OR52N4: variants seen among roughly 807,000 people sequenced by gnomAD.
OR52N4 encodes the protein olfactory receptor 52N4.
OR52N4 carries 15 observed loss-of-function variants against 15.0 expected under a neutral mutation model. The ratio of observed to expected loss-of-function variants is 1.00; its 90% confidence interval spans 0.67 to 1.54. The LOEUF is 1.54. Among genes scored for constraint, OR52N4 ranks in the 40% most tolerant of loss-of-function variants. The probability of loss-of-function intolerance (pLI) is 0.00; values close to 1 mark genes in which losing one functional copy is unlikely to be tolerated. For synonymous variants in OR52N4, 143 were observed against 143.7 expected (o/e 1.00, Z 0.03); for missense variants, 421 against 394.0 (o/e 1.07, Z -0.58).
the OR52N4 span, among the ~76,000 whole-genome samples, chr11:5,730,096 C>G: frequency 1.3e-5 from 2 of 151,654 alleles, no homozygotes; most frequent in Non-Finnish European, 2.9e-5. Flanking sequence ...TTGCTGCATT[C>G]TTATGTCCTA....
In OR52N4 at chr11:5,754,673, G is replaced by GTTTTTTT; in HGVS notation, c.-48-15_-48-9dup. 2 of 1,205,010 alleles carry GTTTTTTT rather than the reference G, an allele frequency of 1.7e-6. No individual in the cohort carries two copies. Among genetic ancestry groups the GTTTTTTT allele is most frequent in the Admixed American group, 2.7e-5 (1 of 37,642 alleles). 74.6% of individuals were successfully genotyped at this position (1,205,010 alleles called of 1,614,324 possible). On this transcript the variant is annotated intron_variant, in intron 1 of 1. Coordinates refer to ENST00000641350, the MANE Select transcript of OR52N4 (RefSeq NM_001005175.5). ...GTAAAAATAACCTATATTTTCTCTT[G>GTTTTTTT]TTTTTTTTTTTAACTCTAGGAAAGC...
At chr11:5,736,596 C>G in the OR52N4 span, 1 of 1,613,968 alleles carries the variant, frequency 6.2e-7, no homozygotes, top group Non-Finnish European at 8.5e-7. Context: ...CTGGGATTCC[C>G]GGGCATTCAC....
chr11:5,755,623 T>C lies in OR52N4; in HGVS notation c.883T>C (p.Tyr295His), dbSNP rs752105367. 27 of 1,613,740 alleles carry C rather than the reference T, an allele frequency of 1.7e-5. No homozygotes were observed. Among genetic ancestry groups the C allele is most frequent in the Non-Finnish European group, 2.1e-5 (25 of 1,179,718 alleles). The part of the protein sequence containing the change: ...LLPPTMNPIV[Y>H]GVKTKQIRDC... ...ACCACCCACTATGAACCCTATTGTC[T>C]ATGGGGTGAAAACCAAACAGATACG... Residue 295 changes from tyrosine to histidine, a missense_variant, in exon 2 of 2, where the codon TAT becomes CAT. Transcript: ENST00000641350.
At chr11:5,737,299 C>T in the OR52N4 span, 3 of 1,614,102 alleles carry the variant, frequency 1.9e-6, no homozygotes, top group South Asian at 3.3e-5. Context: ...TTTTCTTTTA[C>T]ACTATTGTTG....
chr11:5,734,234 A>G, the OR52N4 span: 5 of 455,688 alleles, frequency 1.1e-5, no homozygotes, highest in South Asian at 7.8e-5. Flanking sequence ...TTCATAAGCA[A>G]GGTAAGTGAT....
At chr11:5,751,450 CT>C (rs1258885057), upstream of OR52N4, among the ~76,000 whole-genome samples, 3 of 151,662 alleles carry the variant, frequency 2.0e-5, no homozygotes, top group East Asian at 5.8e-4. Context: ...GTAAAACTTT[CT>C]CTTTTTTTTC....
chr11:5,748,551 C>T, the OR52N4 span, among the ~76,000 whole-genome samples: 1 of 151,616 alleles, frequency 6.6e-6, no homozygotes, highest in South Asian at 2.1e-4. Flanking sequence ...ATTTCTCTCA[C>T]TTGAAAAAGT....
the OR52N4 span, among the ~76,000 whole-genome samples, chr11:5,730,878 A>G: frequency 6.6e-6 from 1 of 151,290 alleles, no homozygotes; most frequent in South Asian, 2.1e-4. Flanking sequence ...TGTTTCTTTC[A>G]ATTATGACCG....
At chr11:5,753,261 C>T (rs1459587990), upstream of OR52N4, among the ~76,000 whole-genome samples, 1 of 152,060 alleles carries the variant, frequency 6.6e-6, no homozygotes, top group African/African-American at 2.4e-5. Flanking sequence ...AGTTGTTCTA[C>T]ATCTTTGCCA....
At chr11:5,750,542 TA>T (rs1854169098), upstream of OR52N4, among the ~76,000 whole-genome samples, 1 of 151,990 alleles carries the variant, frequency 6.6e-6, no homozygotes, top group Non-Finnish European at 1.5e-5. Context: ...CACTATTGAA[TA>T]GTTTATACTA....
In OR52N4 at chr11:5,754,819, C is replaced by T. The variant is rs779141741; in HGVS notation, c.79C>T (p.Leu27Phe). 2 of 1,613,726 alleles carry T rather than the reference C, an allele frequency of 1.2e-6. No individual in the cohort carries two copies. Among genetic ancestry groups the T allele is most frequent in the South Asian group, 2.2e-5 (2 of 91,068 alleles). ...AGTCCCAGGACTGGAAGACACACAA[C>T]TCTGGATTTCCTTCCCATTCTGCTC... The part of the protein sequence containing the change: ...NGVPGLEDTQ[L>F]WISFPFCSMY... Residue 27 changes from leucine (L) to phenylalanine (F), a missense_variant, in exon 2 of 2, where the codon CTC becomes TTC. Transcript: ENST00000641350.
chr11:5,744,837 C>G, the OR52N4 span, among the ~76,000 whole-genome samples: 15 of 152,200 alleles, frequency 9.9e-5, no homozygotes, highest in African/African-American at 3.6e-4. Flanking sequence ...TGGAGGATCT[C>G]TTGAACCTGG....
chr11:5,726,524 A>T, the OR52N4 span: 1 of 97,634 alleles, frequency 1.0e-5, no homozygotes, highest in Non-Finnish European at 2.2e-5. Context: ...CATCACACTG[A>T]TGTTGACCCT....
chr11:5,753,906 T>C (rs1457368223), upstream of OR52N4, among the ~76,000 whole-genome samples: 12 of 147,366 alleles, frequency 8.1e-5, no homozygotes, highest in East Asian at 2.4e-3. Flanking sequence ...GACAGGAGAA[T>C]TGCTTGAATC....
At chr11:5,734,648 A>C in the OR52N4 span, among the ~76,000 whole-genome samples, 1 of 152,164 alleles carries the variant, frequency 6.6e-6, no homozygotes, top group Non-Finnish European at 1.5e-5. Context: ...AAATTTTAAT[A>C]GAGAAAACAT....
At chr11:5,733,778 TTAAA>T in the OR52N4 span, among the ~76,000 whole-genome samples, 4 of 152,158 alleles carry the variant, frequency 2.6e-5, no homozygotes, top group African/African-American at 9.7e-5. Flanking sequence ...TTAAAAATGT[TTAAA>T]TAAATCTCCT....
chr11:5,737,875 T>TAGCTGTAACTTGGG, the OR52N4 span: 1 of 165,540 alleles, frequency 6.0e-6, no homozygotes, highest in African/African-American at 2.4e-5. Context: ...TGCGCATTGT[T>TAGCTGTAACTTGGG]AGCTGTAACT....
upstream of OR52N4, among the ~76,000 whole-genome samples, chr11:5,751,005 C>T (rs775891922): frequency 4.5e-4 from 69 of 151,808 alleles, no homozygotes; most frequent in East Asian, 1.4e-3. Context: ...AAGTGCTTTT[C>T]GTTATTTGTG....
At chr11:5,744,674 A>C in the OR52N4 span, among the ~76,000 whole-genome samples, 1 of 145,092 alleles carries the variant, frequency 6.9e-6, no homozygotes, top group African/African-American at 2.5e-5. Context: ...GCACTCTGGG[A>C]GGCTGAGGCG....
Sources: gnomAD v4.1 joint callset for allele counts (sites outside exome capture counted in the v4.1 genomes callset) on GRCh38, gnomAD v4.1.1 for gene constraint, MANE v1.5 for transcripts, NCBI Gene and HGNC (gene_info 2026-07-23, HGNC 2026-07-21) for gene names.